TMEM132D: variants seen among roughly 807,000 people sequenced by gnomAD.
TMEM132D encodes the protein mature OL transmembrane protein.
TMEM132D carries 21 observed loss-of-function variants against 62.3 expected under a neutral mutation model. That is an observed-to-expected ratio of 0.34 (90% CI 0.24 to 0.49). The LOEUF (loss-of-function observed/expected upper bound fraction) is 0.49. TMEM132D is among the 20% of genes least tolerant of loss of function. TMEM132D has a pLI of 0.99. For missense variants in TMEM132D, 1,346 were observed against 1,402.8 expected, an observed-to-expected ratio of 0.96 and a Z score of 0.65; for synonymous variants, 621 against 575.6, an observed-to-expected ratio of 1.08 and a Z score of -1.13.
intron 3 of TMEM132D, among the ~76,000 whole-genome samples, chr12:129,400,561 C>T (rs1293521967): frequency 5.9e-5 from 9 of 152,130 alleles, no homozygotes; most frequent in East Asian, 3.9e-4. Flanking sequence ...CTGCCAGACA[C>T]GGTCCTCCAT....
At chr12:129,849,124 A>C (rs1254143567) in intron 1 of TMEM132D, among the ~76,000 whole-genome samples, 3 of 152,220 alleles carry the variant, frequency 2.0e-5, no homozygotes, top group African/African-American at 7.2e-5. Context: ...TAATGCAAGC[A>C]GTCAGACCTT....
At chr12:129,168,666 G>A (rs1170815703) in intron 5 of TMEM132D, among the ~76,000 whole-genome samples, 1 of 152,146 alleles carries the variant, frequency 6.6e-6, no homozygotes, top group African/African-American at 2.4e-5. Context: ...ATTTAAGGTT[G>A]GATAATTCTA....
intron 2 of TMEM132D, among the ~76,000 whole-genome samples, chr12:129,540,617 C>T (rs916740315): frequency 3.3e-5 from 5 of 152,030 alleles, no homozygotes; most frequent in Non-Finnish European, 7.4e-5. Context: ...TCCTGAGTAG[C>T]TGGGATTACA....
At chr12:129,507,765 G>A (rs1473265805) in intron 3 of TMEM132D, among the ~76,000 whole-genome samples, 1 of 152,160 alleles carries the variant, frequency 6.6e-6, no homozygotes, top group African/African-American at 2.4e-5. Flanking sequence ...AGTGTATACT[G>A]CTCGGTTGAT....
chr12:129,215,607 C>A (rs1217797476), intron 4 of TMEM132D, among the ~76,000 whole-genome samples: 1 of 152,178 alleles, frequency 6.6e-6, no homozygotes, highest in East Asian at 1.9e-4. Flanking sequence ...CATCTTGTGA[C>A]TCAAAGGTGG....
intron 1 of TMEM132D, among the ~76,000 whole-genome samples, chr12:129,757,984 C>T (rs908403819): frequency 1.3e-5 from 2 of 152,172 alleles, no homozygotes; most frequent in Admixed American, 6.5e-5. Flanking sequence ...CTCACTGCAA[C>T]CTCCGCCTCC....
chr12:129,151,267 CAGGCGGG>C (rs1471611448), intron 5 of TMEM132D, among the ~76,000 whole-genome samples: 5 of 152,224 alleles, frequency 3.3e-5, no homozygotes, highest in African/African-American at 9.6e-5. Flanking sequence ...CAACATGACT[CAGGCGGG>C]GTTATTCGCC....
At chr12:129,128,743 C>A (rs968618879) in intron 5 of TMEM132D, among the ~76,000 whole-genome samples, 6 of 152,074 alleles carry the variant, frequency 3.9e-5, no homozygotes, top group Admixed American at 1.3e-4. Flanking sequence ...ACCCTCACCC[C>A]CTCCCATCCT....
chr12:129,311,637 A>G (rs975646363), intron 4 of TMEM132D, among the ~76,000 whole-genome samples: 1 of 152,252 alleles, frequency 6.6e-6, no homozygotes, highest in Non-Finnish European at 1.5e-5. Flanking sequence ...CATATAAGCC[A>G]CATGACGGGA....
chr12:129,334,444 C>CGTTG (rs2135654247), intron 4 of TMEM132D, among the ~76,000 whole-genome samples: 1 of 152,268 alleles, frequency 6.6e-6, no homozygotes, highest in South Asian at 2.1e-4. Context: ...TGCATGACAA[C>CGTTG]ACTCTTTTAC....
chr12:129,148,392 G>A (rs1478438829), intron 5 of TMEM132D, among the ~76,000 whole-genome samples: 3 of 152,124 alleles, frequency 2.0e-5, no homozygotes, highest in African/African-American at 7.2e-5. Flanking sequence ...GTTTATCTGG[G>A]TAGCCCAATG....
At chr12:129,868,430 A>G (rs1874130276) in intron 1 of TMEM132D, among the ~76,000 whole-genome samples, 1 of 152,186 alleles carries the variant, frequency 6.6e-6, no homozygotes, top group African/African-American at 2.4e-5. Flanking sequence ...GTAGTAAATA[A>G]CGTATTAGGA....
At chr12:129,633,663 T>C (rs1593098163) in intron 2 of TMEM132D, among the ~76,000 whole-genome samples, 1 of 152,148 alleles carries the variant, frequency 6.6e-6, no homozygotes, top group East Asian at 1.9e-4. Flanking sequence ...GGTGAGAGTG[T>C]GATGGATGGC....
chr12:129,682,098 T>C (rs1880791919), intron 2 of TMEM132D, among the ~76,000 whole-genome samples: 1 of 152,214 alleles, frequency 6.6e-6, no homozygotes, highest in Non-Finnish European at 1.5e-5. Flanking sequence ...TTTTGTTTCT[T>C]CTTTATAGTT....
At chr12:129,830,850 G>C (rs1408257705) in intron 1 of TMEM132D, among the ~76,000 whole-genome samples, 2 of 152,108 alleles carry the variant, frequency 1.3e-5, no homozygotes, top group African/African-American at 4.8e-5. Context: ...TTCAATAATT[G>C]GTGATGGAAA....
At chr12:129,395,912 T>C (rs1315957700) in intron 3 of TMEM132D, among the ~76,000 whole-genome samples, 4 of 146,878 alleles carry the variant, frequency 2.7e-5, no homozygotes, top group African/African-American at 7.4e-5. Flanking sequence ...TACTATATAA[T>C]ACATTATATT....
intron 2 of TMEM132D, among the ~76,000 whole-genome samples, chr12:129,574,180 A>G (rs1399189309): frequency 2.0e-5 from 3 of 151,978 alleles, no homozygotes; most frequent in Non-Finnish European, 4.4e-5. Context: ...TTTGAAATAC[A>G]TCAAAAGTAA....
At chr12:129,105,277 G>A (rs1344798051) in intron 5 of TMEM132D, among the ~76,000 whole-genome samples, 1 of 145,754 alleles carries the variant, frequency 6.9e-6, no homozygotes, top group Non-Finnish European at 1.5e-5. Context: ...ATCATTCTCA[G>A]TAAACTATCG....
intron 4 of TMEM132D, among the ~76,000 whole-genome samples, chr12:129,307,404 T>C (rs1296494233): frequency 6.6e-6 from 1 of 152,222 alleles, no homozygotes; most frequent in East Asian, 1.9e-4. Flanking sequence ...CTCATGCTTA[T>C]TTGCTAATTC....
Sources: allele counts gnomAD v4.1 joint callset (sites outside exome capture counted in the v4.1 genomes callset), GRCh38; gene constraint gnomAD v4.1.1; transcripts MANE v1.5; gene names NCBI Gene and HGNC (gene_info 2026-07-23, HGNC 2026-07-21).